Variants in ASIC2 observed in about 807,000 individuals in gnomAD.
ASIC2 encodes acid sensing ion channel subunit 2, also known as acid-sensing ion channel 2.
In ASIC2, 25 loss-of-function variants were observed where a neutral mutation model predicts 57.3. The observed-to-expected ratio is 0.44, with a 90% CI of 0.32 to 0.61. ASIC2 has a LOEUF of 0.61. Among genes scored for constraint, ASIC2 ranks in the 20% least tolerant of loss-of-function variants. The probability of loss-of-function intolerance (pLI) is 0.06; values close to 1 mark genes in which losing one functional copy is unlikely to be tolerated. For missense variants in ASIC2, 641 were observed against 738.1 expected (o/e 0.87, Z 1.52); for synonymous variants, 319 against 307.5 (o/e 1.04, Z -0.39).
At chr17:33,926,897 C>T (rs941656842) in intron 1 of ASIC2, among the ~76,000 whole-genome samples, 2 of 152,152 alleles carry the variant, frequency 1.3e-5, no homozygotes, top group African/African-American at 4.8e-5. Context: ...GAATTTTCCA[C>T]TTGCACTGTC....
chr17:33,748,739 G>A (rs1242288370), intron 1 of ASIC2, among the ~76,000 whole-genome samples: 1 of 152,210 alleles, frequency 6.6e-6, no homozygotes, highest in Non-Finnish European at 1.5e-5. Flanking sequence ...AGAACTCCAG[G>A]ATGATAAATA....
intron 1 of ASIC2, among the ~76,000 whole-genome samples, chr17:33,667,105 G>C (rs1907500391): frequency 1.3e-5 from 2 of 152,188 alleles, no homozygotes; most frequent in Admixed American, 1.3e-4. Context: ...GGGTGAGATG[G>C]CGTGAGTCAC....
intron 1 of ASIC2, among the ~76,000 whole-genome samples, chr17:34,011,685 C>T (rs552155685): frequency 2.6e-5 from 4 of 152,230 alleles, no homozygotes; most frequent in Non-Finnish European, 5.9e-5. Flanking sequence ...ATGGAAACCT[C>T]TCCAGCAAAG....
chr17:33,641,650 C>T (rs1906567940), intron 1 of ASIC2, among the ~76,000 whole-genome samples: 1 of 152,118 alleles, frequency 6.6e-6, no homozygotes, highest in African/African-American at 2.4e-5. Context: ...CCTCTTTTTG[C>T]AGCTGAATGG....
chr17:33,708,050 C>T (rs1204297768), intron 1 of ASIC2, among the ~76,000 whole-genome samples: 1 of 152,206 alleles, frequency 6.6e-6, no homozygotes, highest in African/African-American at 2.4e-5. Context: ...TCAACTTCTT[C>T]AGAGAGCAAA....
At chr17:33,734,875 A>C (rs1909862655) in intron 1 of ASIC2, among the ~76,000 whole-genome samples, 1 of 152,094 alleles carries the variant, frequency 6.6e-6, no homozygotes, top group African/African-American at 2.4e-5. Context: ...GAGAAAATAA[A>C]TTTCTGTTGT....
intron 1 of ASIC2, among the ~76,000 whole-genome samples, chr17:33,381,447 A>G (rs902579829): frequency 2.6e-5 from 4 of 152,192 alleles, no homozygotes; most frequent in Admixed American, 1.3e-4. Flanking sequence ...CTTCCTTCAC[A>G]TAGCCTGCTG....
intron 2 of ASIC2, among the ~76,000 whole-genome samples, chr17:33,105,085 G>T (rs1365172126): frequency 6.6e-6 from 1 of 152,142 alleles, no homozygotes; most frequent in Non-Finnish European, 1.5e-5. Flanking sequence ...ACAGTCCAAG[G>T]TCTCTGACTT....
chr17:33,407,511 T>C (rs1279997241), intron 1 of ASIC2, among the ~76,000 whole-genome samples: 1 of 152,198 alleles, frequency 6.6e-6, no homozygotes, highest in East Asian at 1.9e-4. Context: ...GATACTCCCA[T>C]AATGCATCAC....
Position 33,100,800 on chromosome 17 carries a change from TG to T in ASIC2, c.859+11116del, listed in dbSNP as rs562993935. On this transcript the variant is annotated intron_variant, in intron 2 of 9. Coordinates refer to ENST00000225823, the MANE Select transcript of ASIC2 (RefSeq NM_183377.2). The stretch of plus-strand genomic sequence containing the variant: ...AAATTGGGGACATGAGGTCTGAGGT[TG>T]GGGCTGTCTCATCTGCTTCCTAGCT... Among the ~76,000 whole-genome samples, 504 of 152,340 alleles carry T rather than the reference TG, an allele frequency of 3.3e-3. 1 individual carries two copies. Among genetic ancestry groups the T allele is most frequent in the Middle Eastern group, 0.017 (5 of 294 alleles).
chr17:33,792,420 G>T (rs541252045), intron 1 of ASIC2: 3 of 152,234 alleles, frequency 2.0e-5, no homozygotes, highest in African/African-American at 4.8e-5. Flanking sequence ...GGTGGTGGAG[G>T]GGGGAGGTGA....
Position 34,024,016 on chromosome 17 carries a change from C to T in ASIC2, c.555+131962G>A, listed in dbSNP as rs529597951. On this transcript the variant is annotated intron_variant, in intron 1 of 9. Transcript: ENST00000359872. ...CATTCCACAGATAAAGAAACTTTGA[C>T]AGAGGGAAACTAATCAAGTCATGGA... Among the ~76,000 whole-genome samples, 11 of 152,290 alleles carry T rather than the reference C, an allele frequency of 7.2e-5. No individual in the cohort carries two copies. In the South Asian group the frequency reaches 1.9e-3, roughly 26 times the overall value.
chr17:33,044,261 CCCATCCAT>C (rs3052916), intron 3 of ASIC2, among the ~76,000 whole-genome samples: 2,782 of 137,688 alleles, frequency 0.02, 74 homozygotes, highest in African/African-American at 0.061. Flanking sequence ...CATCCATCTA[CCCATCCAT>C]CCATCCATCC....
chr17:33,412,126 T>G (rs988319109), intron 1 of ASIC2, among the ~76,000 whole-genome samples: 3 of 152,222 alleles, frequency 2.0e-5, no homozygotes, highest in Non-Finnish European at 2.9e-5. Flanking sequence ...TATTTTTGAT[T>G]TGTTCAATCT....
chr17:33,570,054 A>T (rs1295886477), intron 1 of ASIC2, among the ~76,000 whole-genome samples: 2 of 151,618 alleles, frequency 1.3e-5, no homozygotes, highest in East Asian at 3.9e-4. Context: ...CCAACTCTTC[A>T]TTCACTTAAG....
In ASIC2 at chr17:33,044,364, A is replaced by C. The variant is rs960738622; in HGVS notation, c.988-15972T>G. ...CCATCCACCTTCTATGTGTCCAATA[A>C]ATATTTTTTATTTTTTTATTTTTTT... On this transcript the variant is annotated intron_variant, in intron 3 of 9. Coordinates refer to ENST00000225823, the MANE Select transcript of ASIC2 (RefSeq NM_183377.2). 2.2e-4 allele frequency among the ~76,000 whole-genome samples: 34 copies of C among 151,658 alleles called. 1 individual carries two copies. Among genetic ancestry groups the C allele is most frequent in the Non-Finnish European group, 4.4e-5 (3 of 67,906 alleles).
chr17:34,129,354 G>A (rs1244744133), intron 1 of ASIC2, among the ~76,000 whole-genome samples: 1 of 152,116 alleles, frequency 6.6e-6, no homozygotes, highest in Non-Finnish European at 1.5e-5. Flanking sequence ...AGCATAACAA[G>A]CCTTGGAATA....
At chr17:34,020,588 G>T (rs1177471723) in intron 1 of ASIC2, among the ~76,000 whole-genome samples, 1 of 152,180 alleles carries the variant, frequency 6.6e-6, no homozygotes, top group Non-Finnish European at 1.5e-5. Context: ...TCAATGTACT[G>T]TTGTCAGAGG....
At chr17:33,072,034 C>A (rs1369768448) in intron 3 of ASIC2, among the ~76,000 whole-genome samples, 1 of 152,106 alleles carries the variant, frequency 6.6e-6, no homozygotes, top group Non-Finnish European at 1.5e-5. Context: ...TTTTTCAGAT[C>A]TCTGGAGTTC....
Sources: gnomAD v4.1 joint callset for allele counts (sites outside exome capture counted in the v4.1 genomes callset) on GRCh38, gnomAD v4.1.1 for gene constraint, MANE v1.5 for transcripts, NCBI Gene and HGNC (gene_info 2026-07-23, HGNC 2026-07-21) for gene names.